PKD2: variants seen among roughly 807,000 people sequenced by gnomAD.
PKD2 encodes the protein polycystin 2, transient receptor potential cation channel, also known as polycystin-2.
PKD2 carries 48 observed loss-of-function variants against 105.9 expected under a neutral mutation model. That is an observed-to-expected ratio of 0.45 (90% confidence interval 0.36 to 0.58). PKD2 has a LOEUF of 0.58. PKD2 is among the 20% of genes least tolerant of loss of function. The probability of loss-of-function intolerance (pLI) is 0.00; values close to 1 mark genes in which losing one functional copy is unlikely to be tolerated. For missense variants in PKD2, 1,078 were observed against 1,255.3 expected (o/e 0.86, Z 2.13); for synonymous variants, 464 against 481.1 (o/e 0.96, Z 0.46).
rs1417629806 is a variant in PKD2 at position 88,027,987 on chromosome 4, T to C, written c.710-8233T>C. Among the ~76,000 whole-genome samples the C allele has an allele frequency of 2.6e-5, 4 of 152,228 alleles. No individual in the cohort carries two copies. In the South Asian group the frequency reaches 6.2e-4, roughly 24 times the overall value. ...TCCTGCCTATTCTCAGGCAGTTCTTTATAGCAGTATGAAAATGGACTACTA... is the reference window on the plus strand; with the variant it reads ...TCCTGCCTATTCTCAGGCAGTTCTTCATAGCAGTATGAAAATGGACTACTA... On this transcript the variant is annotated intron_variant, in intron 2 of 14. Transcript: ENST00000237596.
At chr4:88,065,304 A>T in intron 10 of PKD2, 70 bp from the exon 11 acceptor site, 2 of 1,415,068 alleles carry the variant, frequency 1.4e-6, no homozygotes, top group South Asian at 1.2e-5. Flanking sequence ...ACTACTGTGA[A>T]TGGAAAGTAA....
chr4:88,032,666 C>T (rs1228633653), intron 2 of PKD2, among the ~76,000 whole-genome samples: 1 of 152,184 alleles, frequency 6.6e-6, no homozygotes, highest in Non-Finnish European at 1.5e-5. Context: ...TTTTTCTTCA[C>T]AATTCATTTC....
chr4:88,041,347 A>G (rs969958493), intron 4 of PKD2, among the ~76,000 whole-genome samples: 9 of 152,120 alleles, frequency 5.9e-5, no homozygotes, highest in African/African-American at 2.2e-4. Flanking sequence ...TGGTTATTGC[A>G]GACTTTGCTA....
In PKD2 at chr4:88,057,986, C is replaced by T. The variant is rs368390451; in HGVS notation, c.1902C>T (p.Phe634=). The change falls in exon 9 of 15, where the codon TTC becomes TTT. Residue 634 remains phenylalanine, a synonymous_variant. Coordinates refer to ENST00000237596, the MANE Select transcript of PKD2 (RefSeq NM_000297.4). ...DDFSTFQECI[F]TQFRIILGDI... The stretch of plus-strand genomic sequence containing the variant: ...GTGTTTTGTTTTATTTTTATAGCTT[C>T]ACTCAATTCCGTATCATTTTGGGCG... 10 of 1,599,034 alleles carry T rather than the reference C, an allele frequency of 6.3e-6. No individual in the cohort carries two copies. The highest frequency in any genetic ancestry group is 8.6e-6 in the Non-Finnish European group (10 of 1,166,370).
At chr4:88,072,157 A>AT (rs1243465794) in intron 13 of PKD2, among the ~76,000 whole-genome samples, 2 of 151,438 alleles carry the variant, frequency 1.3e-5, no homozygotes, top group Non-Finnish European at 2.9e-5. Flanking sequence ...TAATTTTTGC[A>AT]TTTTTTATAG....
chr4:88,053,685 A>G (rs369044328), intron 7 of PKD2, among the ~76,000 whole-genome samples: 99 of 151,918 alleles, frequency 6.5e-4, no homozygotes, highest in Admixed American at 2.2e-3. Flanking sequence ...CATAGACTTT[A>G]TCCTGTATTT....
intron 9 of PKD2, among the ~76,000 whole-genome samples, chr4:88,059,677 C>T (rs536311961): frequency 1.9e-4 from 29 of 151,986 alleles, no homozygotes; most frequent in African/African-American, 4.1e-4. Context: ...TTTTTTTGTA[C>T]GACTGCACAA....
In PKD2 at chr4:88,076,002, G is replaced by T; in HGVS notation, c.*308G>T. On this transcript the variant is annotated 3_prime_UTR_variant, in exon 15 of 15. Coordinates refer to ENST00000237596, the MANE Select transcript of PKD2 (RefSeq NM_000297.4). ...AGTCTTCTCAGTTGACAATGAAGTAGCCTTTTAAAGCTAGAAAACTGTCAA... is the reference window on the plus strand; with the variant it reads ...AGTCTTCTCAGTTGACAATGAAGTATCCTTTTAAAGCTAGAAAACTGTCAA... 3.1e-6 allele frequency: 1 copy of T among 319,990 alleles called. No individual in the cohort carries two copies. The highest frequency in any genetic ancestry group is 5.9e-6 in the Non-Finnish European group (1 of 170,240). The allele number at this position is 319,990 out of a possible 1,614,324, so 19.8% of individuals were successfully genotyped here. A position where few individuals can be genotyped will look rare whatever the true frequency, so the allele number is the denominator to read the frequency against.
intron 6 of PKD2, among the ~76,000 whole-genome samples, chr4:88,050,873 C>G (rs1720064442): frequency 6.6e-6 from 1 of 152,156 alleles, no homozygotes; most frequent in Non-Finnish European, 1.5e-5. Context: ...GATCAGCAAC[C>G]AAGCTGGTCT....
In PKD2 at chr4:88,008,635, G is replaced by T. The variant is rs546899062; in HGVS notation, c.595+307G>T. Among the ~76,000 whole-genome samples the T allele has an allele frequency of 3.1e-3, 448 of 145,952 alleles. 1 individual carries two copies. Among genetic ancestry groups the T allele is most frequent in the African/African-American group, 0.01 (404 of 40,104 alleles). ...GAGTGAAAGAGTACATCTGGGTTTT[G>T]TTTTTTTTTTTCTTGTAGAGGAAAA... is the stretch of plus-strand genomic sequence containing the variant. On this transcript the variant is annotated intron_variant, in intron 1 of 14. Transcript: ENST00000237596.
chr4:88,058,913 A>G (rs1222867949), intron 9 of PKD2, among the ~76,000 whole-genome samples: 1 of 152,164 alleles, frequency 6.6e-6, no homozygotes, highest in Non-Finnish European at 1.5e-5. Flanking sequence ...TAATTTAGGC[A>G]ATATTTTTCA....
At chr4:88,010,554 C>G (rs914822364) in intron 1 of PKD2, among the ~76,000 whole-genome samples, 2 of 152,106 alleles carry the variant, frequency 1.3e-5, no homozygotes, top group Non-Finnish European at 1.5e-5. Context: ...TAAGCAGTGC[C>G]CTAGGATCAG....
At chr4:88,049,084 A>G (rs1446364520) in intron 6 of PKD2, among the ~76,000 whole-genome samples, 6 of 152,238 alleles carry the variant, frequency 3.9e-5, no homozygotes, top group African/African-American at 1.4e-4. Context: ...AAAGAACTCA[A>G]TATCAACAAA....
chr4:88,008,166 C>A lies in PKD2; in HGVS notation c.433C>A (p.His145Asn). 6.9e-7 allele frequency: 1 copy of A among 1,440,488 alleles called. No individual in the cohort carries two copies. The highest frequency in any genetic ancestry group is 3.0e-5 in the East Asian group (1 of 33,214). 89.2% of individuals were successfully genotyped at this position (1,440,488 alleles called of 1,614,324 possible). A position where few individuals can be genotyped will look rare whatever the true frequency, so the allele number is the denominator to read the frequency against. Residue 145 changes from histidine (H) to asparagine (N), a missense_variant, in exon 1 of 15, where the codon CAC becomes AAC. Physicochemically the swap from His to Asn is moderately conservative, Grantham distance 68. Coordinates refer to ENST00000237596, the MANE Select transcript of PKD2 (RefSeq NM_000297.4). ...GARSRGLGGY[H>N]GAGHPSGRRR... ...GCGGAGCCGGGGGCTTGGGGGCTACCACGGCGCGGGCCACCCGAGCGGGAG... is the reference window on the plus strand; with the variant it reads ...GCGGAGCCGGGGGCTTGGGGGCTACAACGGCGCGGGCCACCCGAGCGGGAG...
At chr4:88,037,203 C>G (rs1480980217) in intron 3 of PKD2, among the ~76,000 whole-genome samples, 1 of 152,048 alleles carries the variant, frequency 6.6e-6, no homozygotes, top group Admixed American at 6.5e-5. Context: ...CTACTGCATT[C>G]CAGCTGGGGC....
intron 4 of PKD2, among the ~76,000 whole-genome samples, chr4:88,041,564 C>T (rs1243776761): frequency 1.3e-5 from 2 of 152,184 alleles, no homozygotes; most frequent in African/African-American, 2.4e-5. Context: ...TGAATTTCTC[C>T]AGGAACGAGT....
rs759311125 is a variant in PKD2, at chr4:88,074,856, T to C, written c.2567T>C (p.Ile856Thr). 6.2e-7 allele frequency: 1 copy of C among 1,614,050 alleles called. No individual in the cohort carries two copies. Among genetic ancestry groups the C allele is most frequent in the East Asian group, 2.2e-5 (1 of 44,864 alleles). ...CGGATGGAGCATTCCATCGGCAGCA[T>C]AGTGTCCAAGATTGACGCCGTGATC... ...VDRMEHSIGSIVSKIDAVIVK... is the reference protein window; with the variant it reads ...VDRMEHSIGSTVSKIDAVIVK... Residue 856 changes from isoleucine to threonine, a missense_variant, in exon 14 of 15, where the codon ATA (isoleucine) becomes ACA (threonine). Ile to Thr is a moderately conservative substitution (Grantham distance 89). This residue lies in a region of PKD2 where 868 missense variants were observed against 1,067.3 expected (regional missense o/e 0.81). Coordinates refer to ENST00000237596, the MANE Select transcript of PKD2 (RefSeq NM_000297.4).
intron 4 of PKD2, 52 bp from the exon 5 acceptor site, chr4:88,043,181 C>CAA (rs1475373255): frequency 8.7e-7 from 1 of 1,154,658 alleles, no homozygotes; most frequent in African/African-American, 1.5e-5. Context: ...GTAATTGCCT[C>CAA]AAGTGTTCCA....
At position 88,032,964 on chromosome 4, in the gene PKD2, C is replaced by T. The variant is rs75634080; in HGVS notation, c.710-3256C>T. On this transcript the variant is annotated intron_variant, in intron 2 of 14. Transcript: ENST00000237596. ...TGTTCAGGATGGAGGCAAGCTGAAA[C>T]TCAAAACCAAATCATTATGACTCCA... Among the ~76,000 whole-genome samples, 822 of 152,222 alleles carry T rather than the reference C, an allele frequency of 5.4e-3. 6 individuals are homozygous for T. Among genetic ancestry groups the T allele is most frequent in the African/African-American group, 0.019 (783 of 41,528 alleles).
Sources: allele counts gnomAD v4.1 joint callset (sites outside exome capture counted in the v4.1 genomes callset), GRCh38; gene constraint gnomAD v4.1.1; regional missense constraint gnomAD v4.1.1; transcripts MANE v1.5; gene names NCBI Gene and HGNC (gene_info 2026-07-23, HGNC 2026-07-21).